Variants in CSGALNACT1 observed in about 807,000 individuals in gnomAD.
CSGALNACT1 encodes beta4GalNAcT-1.
Under a neutral mutation model 51.0 loss-of-function variants are expected in CSGALNACT1, and 52 were observed. That is an observed-to-expected ratio of 1.02 (90% confidence interval 0.82 to 1.29). The LOEUF (loss-of-function observed/expected upper bound fraction) is 1.29, where lower values mean the gene tolerates loss of function less well. CSGALNACT1 is among the 50% of genes most tolerant of loss of function. The pLI is 0.00. For missense variants in CSGALNACT1, 935 were observed against 679.2 expected (o/e 1.38, Z -4.19); for synonymous variants, 341 against 254.4 (o/e 1.34, Z -3.24).
At chr8:19,629,890 C>T (rs998251719) in intron 1 of CSGALNACT1, among the ~76,000 whole-genome samples, 3 of 152,128 alleles carry the variant, frequency 2.0e-5, no homozygotes, top group East Asian at 1.9e-4. Context: ...GGAGTAAGCA[C>T]GTGAGTCTCA....
intron 1 of CSGALNACT1, among the ~76,000 whole-genome samples, chr8:19,741,103 T>C (rs538400649): frequency 6.6e-6 from 1 of 152,310 alleles, no homozygotes; most frequent in Non-Finnish European, 1.5e-5. Context: ...GGGGTGTTGT[T>C]CTTAGACAAT....
At chr8:19,544,470 A>G (rs1389903769) in intron 3 of CSGALNACT1, among the ~76,000 whole-genome samples, 1 of 152,212 alleles carries the variant, frequency 6.6e-6, no homozygotes, top group Admixed American at 6.5e-5. Flanking sequence ...ATGCTGAAGG[A>G]AAAAGCTAAC....
chr8:19,643,047 A>G (rs918051720), intron 1 of CSGALNACT1, among the ~76,000 whole-genome samples: 1 of 152,154 alleles, frequency 6.6e-6, no homozygotes, highest in Non-Finnish European at 1.5e-5. Context: ...GATGGCAGGA[A>G]TCACACACAT....
intron 5 of CSGALNACT1, among the ~76,000 whole-genome samples, chr8:19,451,371 C>G (rs2063154772): frequency 6.6e-6 from 1 of 152,144 alleles, no homozygotes; most frequent in Non-Finnish European, 1.5e-5. Flanking sequence ...AGTCCTTGTT[C>G]ATTGAACTTT....
At chr8:19,437,340 G>A (rs2060537710) in intron 6 of CSGALNACT1, among the ~76,000 whole-genome samples, 1 of 152,152 alleles carries the variant, frequency 6.6e-6, no homozygotes, top group Non-Finnish European at 1.5e-5. Context: ...GTTTGGCTAG[G>A]GAGCAGTGAG....
chr8:19,580,737 T>C (rs2045384178), intron 3 of CSGALNACT1, among the ~76,000 whole-genome samples: 1 of 152,162 alleles, frequency 6.6e-6, no homozygotes, highest in Admixed American at 6.5e-5. Context: ...AGATATTTTA[T>C]TCATCAAAAT....
intron 3 of CSGALNACT1, among the ~76,000 whole-genome samples, chr8:19,562,515 C>G (rs961917973): frequency 4.8e-5 from 7 of 146,666 alleles, no homozygotes; most frequent in Non-Finnish European, 7.5e-5. Context: ...TCAGAGCAAA[C>G]AGACAATCTA....
At chr8:19,590,377 T>A (rs1206752411) in intron 3 of CSGALNACT1, among the ~76,000 whole-genome samples, 1 of 152,202 alleles carries the variant, frequency 6.6e-6, no homozygotes, top group Non-Finnish European at 1.5e-5. Flanking sequence ...TGAGCTACAT[T>A]CCTTTTGGCG....
At chr8:19,645,576 G>C (rs535131827) in intron 1 of CSGALNACT1, among the ~76,000 whole-genome samples, 11 of 152,352 alleles carry the variant, frequency 7.2e-5, no homozygotes, top group East Asian at 3.9e-4. Flanking sequence ...AAGGGTGGGC[G>C]TAAGGTTGAG....
intron 1 of CSGALNACT1, among the ~76,000 whole-genome samples, chr8:19,681,041 G>A (rs1239322100): frequency 1.3e-5 from 2 of 152,040 alleles, no homozygotes; most frequent in Non-Finnish European, 2.9e-5. Context: ...ACTACTCCAT[G>A]TTATACAAGG....
chr8:19,541,142 T>A (rs2085016561), intron 3 of CSGALNACT1, among the ~76,000 whole-genome samples: 1 of 152,070 alleles, frequency 6.6e-6, no homozygotes, highest in Non-Finnish European at 1.5e-5. Context: ...TGCAGTGGCA[T>A]GATCGCAGCT....
chr8:19,468,891 A>C (rs547314353), intron 4 of CSGALNACT1, among the ~76,000 whole-genome samples: 1 of 152,294 alleles, frequency 6.6e-6, no homozygotes, highest in South Asian at 2.1e-4. Flanking sequence ...CTGTAGATTA[A>C]GAAGAATGAG....
At chr8:19,588,107 C>T (rs979458003) in intron 3 of CSGALNACT1, 3 of 152,066 alleles carry the variant, frequency 2.0e-5, no homozygotes, top group African/African-American at 7.3e-5. Context: ...AGGACAATTG[C>T]TTCAGTATGG....
intron 1 of CSGALNACT1, among the ~76,000 whole-genome samples, chr8:19,751,032 T>C (rs917981444): frequency 3.2e-4 from 48 of 152,316 alleles, no homozygotes; most frequent in African/African-American, 1.1e-3. Context: ...AATTATTTTG[T>C]TATCTTGCTC....
At chr8:19,458,026 A>T (rs1048097201) in intron 5 of CSGALNACT1, among the ~76,000 whole-genome samples, 2 of 152,164 alleles carry the variant, frequency 1.3e-5, no homozygotes, top group African/African-American at 4.8e-5. Context: ...TAGCTCGCCA[A>T]CTGTCAACGT....
chr8:19,577,367 A>G (rs971031395), intron 3 of CSGALNACT1, among the ~76,000 whole-genome samples: 2 of 150,458 alleles, frequency 1.3e-5, no homozygotes, highest in Admixed American at 1.3e-4. Flanking sequence ...GTTTGAGAGC[A>G]GCACCTAGAC....
chr8:19,654,262 C>A (rs766422137), intron 1 of CSGALNACT1, among the ~76,000 whole-genome samples: 2 of 152,204 alleles, frequency 1.3e-5, no homozygotes, highest in African/African-American at 2.4e-5. Flanking sequence ...CACTTTCTTA[C>A]AAGGTCATGT....
At chr8:19,511,281 T>C (rs576482039) in intron 3 of CSGALNACT1, among the ~76,000 whole-genome samples, 20 of 152,286 alleles carry the variant, frequency 1.3e-4, no homozygotes, top group African/African-American at 4.6e-4. Flanking sequence ...ACAAGCAGTG[T>C]CTATGGGGTC....
At chr8:19,644,351 T>C (rs1313440490) in intron 1 of CSGALNACT1, among the ~76,000 whole-genome samples, 1 of 151,094 alleles carries the variant, frequency 6.6e-6, no homozygotes, top group Non-Finnish European at 1.5e-5. Flanking sequence ...TTTTCACAAA[T>C]ATTAATTTCT....
Sources: gnomAD v4.1 joint callset for allele counts (sites outside exome capture counted in the v4.1 genomes callset) on GRCh38, gnomAD v4.1.1 for gene constraint, MANE v1.5 for transcripts, NCBI Gene and HGNC (gene_info 2026-07-23, HGNC 2026-07-21) for gene names.